Variants in SOX5 observed in about 807,000 individuals in gnomAD.
SOX5 encodes the protein transcription factor SOX-5.
Under a neutral mutation model 92.0 loss-of-function variants are expected in SOX5, and 9 were observed. That is an observed-to-expected ratio of 0.10 (90% CI 0.06 to 0.17). The LOEUF is 0.17. SOX5 is among the 10% of genes least tolerant of loss of function. The probability of loss-of-function intolerance (pLI) is 1.00; values close to 1 mark genes in which losing one functional copy is unlikely to be tolerated. For missense variants in SOX5, 642 were observed against 944.5 expected, an observed-to-expected ratio of 0.68 and a Z score of 4.20; for synonymous variants, 344 against 336.3, an observed-to-expected ratio of 1.02 and a Z score of -0.25.
intron 11 of SOX5, among the ~76,000 whole-genome samples, chr12:23,562,684 A>G (rs1045665427): frequency 1.3e-5 from 2 of 149,248 alleles, no homozygotes; most frequent in Non-Finnish European, 2.9e-5. Context: ...TGTCTCTCAG[A>G]CAAATTCAGA....
chr12:24,171,239 T>TG (rs1954108390), intron 4 of SOX5, among the ~76,000 whole-genome samples: 1 of 133,020 alleles, frequency 7.5e-6, no homozygotes, highest in Non-Finnish European at 1.6e-5. Flanking sequence ...GTTTTTTTTT[T>TG]TGGAGACAGA....
chr12:23,907,930 T>C (rs531569229), intron 1 of SOX5, among the ~76,000 whole-genome samples: 1 of 152,254 alleles, frequency 6.6e-6, no homozygotes, highest in East Asian at 1.9e-4. Flanking sequence ...CAAAATAATA[T>C]CCTTAGGTAC....
chr12:24,134,296 C>A (rs1310683553), intron 4 of SOX5, among the ~76,000 whole-genome samples: 2 of 152,118 alleles, frequency 1.3e-5, no homozygotes, highest in East Asian at 3.8e-4. Flanking sequence ...CTTTTAAAAA[C>A]CACTGCTGTG....
intron 9 of SOX5, among the ~76,000 whole-genome samples, chr12:23,595,781 A>C (rs1952313948): frequency 6.6e-6 from 1 of 152,198 alleles, no homozygotes; most frequent in Non-Finnish European, 1.5e-5. Context: ...GAACATTGTG[A>C]TATTAAGGCT....
chr12:24,130,750 G>T (rs1949568232), intron 4 of SOX5, among the ~76,000 whole-genome samples: 1 of 152,160 alleles, frequency 6.6e-6, no homozygotes, highest in Non-Finnish European at 1.5e-5. Context: ...TTTGCTGGCT[G>T]CTTCCCTGTG....
intron 6 of SOX5, among the ~76,000 whole-genome samples, chr12:23,700,520 A>G (rs1593410357): frequency 1.3e-5 from 2 of 152,252 alleles, no homozygotes; most frequent in South Asian, 2.1e-4. Context: ...TTCCTTCACA[A>G]TGCCACAAGT....
At chr12:23,848,117 G>A (rs1463128925) in intron 2 of SOX5, among the ~76,000 whole-genome samples, 1 of 152,102 alleles carries the variant, frequency 6.6e-6, no homozygotes, top group Non-Finnish European at 1.5e-5. Context: ...ACCAAAAGCA[G>A]AAACATCCCA....
intron 5 of SOX5, among the ~76,000 whole-genome samples, chr12:23,735,932 T>C (rs1208873222): frequency 1.5e-4 from 23 of 152,172 alleles, no homozygotes; most frequent in Non-Finnish European, 2.9e-4. Context: ...ATAAATTCAG[T>C]GAGGGTGGAG....
At chr12:24,127,513 A>G (rs1949228352) in intron 4 of SOX5, among the ~76,000 whole-genome samples, 1 of 152,128 alleles carries the variant, frequency 6.6e-6, no homozygotes, top group African/African-American at 2.4e-5. Flanking sequence ...CTATATTCCT[A>G]CATTTATCTC....
chr12:24,215,250 G>A (rs1959074463), intron 3 of SOX5, among the ~76,000 whole-genome samples: 1 of 151,990 alleles, frequency 6.6e-6, no homozygotes, highest in Admixed American at 6.6e-5. Context: ...TTTCATACAG[G>A]TTCACTAAAT....
chr12:24,073,110 G>A (rs984384495), intron 4 of SOX5, among the ~76,000 whole-genome samples: 1 of 152,008 alleles, frequency 6.6e-6, no homozygotes, highest in African/African-American at 2.4e-5. Context: ...ATTGTCAATG[G>A]TGCACAAGTG....
intron 1 of SOX5, among the ~76,000 whole-genome samples, chr12:24,517,465 T>C (rs1273589249): frequency 6.6e-6 from 1 of 152,044 alleles, no homozygotes; most frequent in African/African-American, 2.4e-5. Flanking sequence ...CGAAGAAAGC[T>C]GCAGAAGTGA....
chr12:24,350,541 C>T (rs913395976), intron 2 of SOX5, among the ~76,000 whole-genome samples: 1 of 152,054 alleles, frequency 6.6e-6, no homozygotes, highest in Non-Finnish European at 1.5e-5. Flanking sequence ...ATGGGTTATT[C>T]CTGTGTTGGC....
intron 4 of SOX5, among the ~76,000 whole-genome samples, chr12:24,115,419 T>A (rs1170462125): frequency 6.6e-6 from 1 of 152,184 alleles, no homozygotes; most frequent in East Asian, 1.9e-4. Context: ...AAATTTTTGT[T>A]CCTTGCAAAG....
At chr12:24,342,382 A>C (rs559415236) in intron 2 of SOX5, among the ~76,000 whole-genome samples, 2 of 152,144 alleles carry the variant, frequency 1.3e-5, no homozygotes, top group Non-Finnish European at 2.9e-5. Context: ...ATATACCTTC[A>C]TTATCCTATT....
chr12:23,568,337 G>A (rs919772309), intron 10 of SOX5, among the ~76,000 whole-genome samples: 2 of 152,126 alleles, frequency 1.3e-5, no homozygotes, highest in Non-Finnish European at 2.9e-5. Flanking sequence ...GCCCTGAATA[G>A]CAAGAGAATA....
intron 7 of SOX5, among the ~76,000 whole-genome samples, chr12:23,645,282 A>C (rs1592897014): frequency 6.6e-6 from 1 of 152,168 alleles, no homozygotes; most frequent in African/African-American, 2.4e-5. Context: ...GATAGGGTGA[A>C]ATGCATCAAA....
chr12:23,569,398 A>G (rs1565896226), intron 10 of SOX5, among the ~76,000 whole-genome samples: 1 of 152,212 alleles, frequency 6.6e-6, no homozygotes, highest in South Asian at 2.1e-4. Flanking sequence ...GTTTAATTGC[A>G]TGAGTTTTTA....
intron 3 of SOX5, among the ~76,000 whole-genome samples, chr12:23,792,256 C>A (rs1272089365): frequency 6.6e-6 from 1 of 151,834 alleles, no homozygotes; most frequent in Non-Finnish European, 1.5e-5. Context: ...GATACGAAAA[C>A]CCCACAGTCA....
Sources: gnomAD v4.1 joint callset for allele counts (sites outside exome capture counted in the v4.1 genomes callset) on GRCh38, gnomAD v4.1.1 for gene constraint, MANE v1.5 for transcripts, NCBI Gene and HGNC (gene_info 2026-07-23, HGNC 2026-07-21) for gene names.